Variants in BNC2 observed in about 807,000 individuals in gnomAD.
The protein encoded by BNC2 is zinc finger protein basonuclin-2.
A neutral mutation model predicts 76.3 loss-of-function variants in BNC2; 20 were observed. That is an observed-to-expected ratio of 0.26 (90% CI 0.18 to 0.38). The LOEUF is 0.38. BNC2 is among the 10% of genes least tolerant of loss of function. The probability of loss-of-function intolerance (pLI) is 1.00; values close to 1 mark genes in which losing one functional copy is unlikely to be tolerated. For missense variants in BNC2, 1,382 were observed against 1,399.8 expected (o/e 0.99, Z 0.20); for synonymous variants, 582 against 514.8 (o/e 1.13, Z -1.77).
At chr9:16,864,537 T>C (rs548959625) in intron 1 of BNC2, among the ~76,000 whole-genome samples, 67 of 152,312 alleles carry the variant, frequency 4.4e-4, no homozygotes, top group African/African-American at 1.6e-3. Flanking sequence ...GTCTATCTCC[T>C]TGGCCTGTTA....
At chr9:16,543,915 AACAC>A (rs911348181) in intron 5 of BNC2, among the ~76,000 whole-genome samples, 16 of 152,178 alleles carry the variant, frequency 1.1e-4, no homozygotes, top group Admixed American at 2.6e-4. Flanking sequence ...CTATAAATAC[AACAC>A]ACTGCTCTGA....
intron 3 of BNC2, among the ~76,000 whole-genome samples, chr9:16,708,565 A>T (rs1175542404): frequency 6.6e-6 from 1 of 152,178 alleles, no homozygotes; most frequent in African/African-American, 2.4e-5. Context: ...GTGTATGGAC[A>T]AAAGAGAGAA....
chr9:16,571,522 G>T (rs1819323267), intron 4 of BNC2, among the ~76,000 whole-genome samples: 1 of 152,024 alleles, frequency 6.6e-6, no homozygotes, highest in South Asian at 2.1e-4. Flanking sequence ...GCTGCCTGCA[G>T]TTTTTTTCCT....
chr9:16,787,786 G>A (rs1357358097), intron 1 of BNC2, among the ~76,000 whole-genome samples: 1 of 152,112 alleles, frequency 6.6e-6, no homozygotes, highest in Admixed American at 6.6e-5. Context: ...TCTTGCTTCA[G>A]GTGATCCTCC....
intron 5 of BNC2, among the ~76,000 whole-genome samples, chr9:16,522,821 C>T (rs1426404907): frequency 6.6e-6 from 1 of 152,088 alleles, no homozygotes; most frequent in East Asian, 1.9e-4. Flanking sequence ...ACTTTATATT[C>T]TCCTGAGGAG....
At chr9:16,814,094 T>C (rs1586905334) in intron 1 of BNC2, among the ~76,000 whole-genome samples, 1 of 152,368 alleles carries the variant, frequency 6.6e-6, no homozygotes, top group East Asian at 1.9e-4. Flanking sequence ...CAATGTTTTC[T>C]GGCCCTACTT....
chr9:16,452,661 C>T (rs2382807), intron 5 of BNC2, among the ~76,000 whole-genome samples: 19,441 of 152,136 alleles, frequency 0.13, 1,738 homozygotes, highest in African/African-American at 0.26. Context: ...CCACCCGCCT[C>T]GGCCTCCCAA....
intron 1 of BNC2, among the ~76,000 whole-genome samples, chr9:16,761,857 G>A (rs760991283): frequency 3.3e-5 from 5 of 152,120 alleles, no homozygotes; most frequent in Admixed American, 6.5e-5. Context: ...GTGCTCTGTA[G>A]CTGATGAAAT....
At chr9:16,713,623 A>G (rs1056785795) in intron 3 of BNC2, among the ~76,000 whole-genome samples, 1 of 152,158 alleles carries the variant, frequency 6.6e-6, no homozygotes, top group Non-Finnish European at 1.5e-5. Flanking sequence ...TGCCTATACA[A>G]AAGTATGTCA....
At chr9:16,776,594 C>T (rs1586874505) in intron 1 of BNC2, among the ~76,000 whole-genome samples, 2 of 152,196 alleles carry the variant, frequency 1.3e-5, no homozygotes, top group Admixed American at 6.5e-5. Context: ...TTTAGAGCAA[C>T]AGCCAATTAA....
intron 1 of BNC2, among the ~76,000 whole-genome samples, chr9:16,841,018 C>T (rs1818811632): frequency 6.6e-6 from 1 of 152,192 alleles, no homozygotes; most frequent in Non-Finnish European, 1.5e-5. Context: ...CGTTGTTCTT[C>T]CGATTCCACA....
chr9:16,510,452 C>G (rs962164858), intron 5 of BNC2, among the ~76,000 whole-genome samples: 3 of 152,168 alleles, frequency 2.0e-5, no homozygotes, highest in Admixed American at 2.0e-4. Context: ...GGTATCTGAC[C>G]TCCTTTCACG....
At chr9:16,722,554 G>T (rs1709901437) in intron 3 of BNC2, among the ~76,000 whole-genome samples, 1 of 152,164 alleles carries the variant, frequency 6.6e-6, no homozygotes, top group South Asian at 2.1e-4. Flanking sequence ...GCTCACCTTA[G>T]CAAAAGGCTT....
At chr9:16,532,898 A>C (rs571503866) in intron 5 of BNC2, among the ~76,000 whole-genome samples, 2 of 152,356 alleles carry the variant, frequency 1.3e-5, no homozygotes, top group Non-Finnish European at 2.9e-5. Context: ...TTTTCACCAG[A>C]GAAATCAGCA....
intron 3 of BNC2, among the ~76,000 whole-genome samples, chr9:16,589,857 T>C (rs1248609893): frequency 6.6e-6 from 1 of 152,182 alleles, no homozygotes; most frequent in East Asian, 1.9e-4. Flanking sequence ...CTGGAGAGTA[T>C]AGCAAGATTT....
At chr9:16,760,837 G>C (rs1301966113) in intron 1 of BNC2, among the ~76,000 whole-genome samples, 1 of 151,900 alleles carries the variant, frequency 6.6e-6, no homozygotes, top group East Asian at 1.9e-4. Flanking sequence ...GGGGAGGAGA[G>C]GGAAACAGGG....
intron 5 of BNC2, among the ~76,000 whole-genome samples, chr9:16,464,559 A>G (rs1014722374): frequency 1.3e-5 from 2 of 149,084 alleles, no homozygotes; most frequent in African/African-American, 5.2e-5. Context: ...ATAAGATTAA[A>G]TAATTAATAT....
At chr9:16,789,853 G>A (rs1335310294) in intron 1 of BNC2, among the ~76,000 whole-genome samples, 1 of 152,198 alleles carries the variant, frequency 6.6e-6, no homozygotes, top group Admixed American at 6.5e-5. Flanking sequence ...TGGAATAAAT[G>A]TTTCTTAAAG....
chr9:16,490,159 G>C (rs1261488315), intron 5 of BNC2, among the ~76,000 whole-genome samples: 1 of 152,128 alleles, frequency 6.6e-6, no homozygotes, highest in Non-Finnish European at 1.5e-5. Context: ...TGCTGATAAA[G>C]ACATACCAGA....
Sources: gnomAD v4.1 joint callset for allele counts (sites outside exome capture counted in the v4.1 genomes callset) on GRCh38, gnomAD v4.1.1 for gene constraint, MANE v1.5 for transcripts, NCBI Gene and HGNC (gene_info 2026-07-23, HGNC 2026-07-21) for gene names.